MAP2K3: variants seen among roughly 807,000 people sequenced by gnomAD.
The protein encoded by MAP2K3 is mitogen-activated protein kinase kinase 3.
Under a neutral mutation model 46.4 loss-of-function variants are expected in MAP2K3, and 30 were observed. That is an observed-to-expected ratio of 0.65 (90% CI 0.48 to 0.88). The LOEUF (loss-of-function observed/expected upper bound fraction) is 0.88, where lower values mean the gene tolerates loss of function less well. Ranked by LOEUF, MAP2K3 falls within the 40% of genes least tolerant of loss-of-function variation. The pLI is 0.00. For synonymous variants in MAP2K3, 189 were observed against 176.3 expected (o/e 1.07, Z -0.57); for missense variants, 380 against 464.5 (o/e 0.82, Z 1.67).
At chr17:21,289,291 G>A (rs560079097) in intron 1 of MAP2K3, among the ~76,000 whole-genome samples, 2 of 152,314 alleles carry the variant, frequency 1.3e-5, no homozygotes, top group South Asian at 4.1e-4. Context: ...GGCCTGCCCT[G>A]CCCCTGGCTT....
rs1977321374 is a variant in MAP2K3, at chr17:21,314,586, G to A, written c.*356G>A. Reference sequence around the variant, plus strand: ...GCCTGGGTGGATGGGCCACCGCCTTGCCCAGCCTGGATGCCATCCAAGTTG... The same window carrying A: ...GCCTGGGTGGATGGGCCACCGCCTTACCCAGCCTGGATGCCATCCAAGTTG... On this transcript the variant is annotated 3_prime_UTR_variant, in exon 12 of 12. Coordinates refer to ENST00000342679, the MANE Select transcript of MAP2K3 (RefSeq NM_145109.3). 3 of 282,104 alleles carry A rather than the reference G, an allele frequency of 1.1e-5. No homozygotes were observed. Among genetic ancestry groups the A allele is most frequent in the Non-Finnish European group, 1.4e-5 (2 of 147,056 alleles). The allele number at this position is 282,104 out of a possible 1,614,324, so 17.5% of individuals were successfully genotyped here. A position where few individuals can be genotyped will look rare whatever the true frequency, so the allele number is the denominator to read the frequency against.
intron 2 of MAP2K3, among the ~76,000 whole-genome samples, 181 bp downstream of exon 2, chr17:21,298,660 G>T (rs941956091): frequency 1.3e-5 from 2 of 152,308 alleles, no homozygotes; most frequent in Admixed American, 6.5e-5. Context: ...CATTTGCTCT[G>T]CTCTGCTCAC....
Position 21,300,843 on chromosome 17 carries a change from G to A in MAP2K3, c.280-31G>A, listed in dbSNP as rs538738282. 21 of 1,613,748 alleles carry A rather than the reference G, an allele frequency of 1.3e-5. No homozygotes were observed. In the African/African-American group the frequency reaches 2.7e-4, roughly 20 times the overall value. ...AGTGTGGGTGTTGGCCTCTGCCACG[G>A]CAACCTCTGAATGGCAGTCCTTCCC... On this transcript the variant is annotated intron_variant, in intron 4 of 11. Coordinates refer to ENST00000342679, the MANE Select transcript of MAP2K3 (RefSeq NM_145109.3).
intron 5 of MAP2K3, 119 bp from the exon 6 acceptor site, chr17:21,302,024 G>C (rs1428822134): frequency 1.0e-6 from 1 of 979,186 alleles, no homozygotes; most frequent in East Asian, 2.4e-5. Flanking sequence ...CTGTGGCTGA[G>C]TGGGTGGGCA....
At chr17:21,304,155 A>C (rs1976758818) in intron 7 of MAP2K3, among the ~76,000 whole-genome samples, 1 of 152,306 alleles carries the variant, frequency 6.6e-6, no homozygotes, top group African/African-American at 2.4e-5. Context: ...AAGCACCTGG[A>C]GTCCTGCCTT....
intron 1 of MAP2K3, among the ~76,000 whole-genome samples, chr17:21,294,569 C>T (rs1419882795): frequency 6.6e-6 from 1 of 152,310 alleles, no homozygotes; most frequent in Admixed American, 6.5e-5. Flanking sequence ...ACAGACCTGC[C>T]TTTATGGCCA....
intron 1 of MAP2K3, among the ~76,000 whole-genome samples, chr17:21,297,172 G>C (rs1252502043): frequency 6.6e-6 from 1 of 152,312 alleles, no homozygotes; most frequent in Admixed American, 6.5e-5. Flanking sequence ...TTGGCTGCTG[G>C]GCCCCGGTGC....
chr17:21,312,298 G>A lies in MAP2K3; in HGVS notation c.914+17G>A. ...TGCTCAGTGGTGAGTCTTGGGTGCT[G>A]CTGAGCGCCTGCCACTGCCCCTCCC... On this transcript the variant is annotated intron_variant, in intron 10 of 11. Coordinates refer to ENST00000342679, the MANE Select transcript of MAP2K3 (RefSeq NM_145109.3). 2 of 1,572,838 alleles carry A rather than the reference G, an allele frequency of 1.3e-6. No homozygotes were observed. Among genetic ancestry groups the A allele is most frequent in the Non-Finnish European group, 1.7e-6 (2 of 1,165,186 alleles).
chr17:21,297,663 G>A (rs558268356), intron 1 of MAP2K3, among the ~76,000 whole-genome samples: 1 of 152,310 alleles, frequency 6.6e-6, no homozygotes, highest in Non-Finnish European at 1.5e-5. Context: ...CCCTCCGTTA[G>A]TACCAGCTGA....
chr17:21,305,340 G>A (rs1317474972), intron 9 of MAP2K3, among the ~76,000 whole-genome samples: 1 of 152,282 alleles, frequency 6.6e-6, no homozygotes, highest in African/African-American at 2.4e-5. Context: ...GAAGTCCTGG[G>A]TGCTTTGTGA....
chr17:21,288,105 C>T, intron 1 of MAP2K3: 1 of 1,288,952 alleles, frequency 7.8e-7, no homozygotes, highest in South Asian at 1.2e-5. Context: ...AGTCAGCGGG[C>T]ACTGGGTGCT....
chr17:21,313,467 C>T (rs1211365823), intron 10 of MAP2K3, 25 bp from the exon 11 acceptor site: 1 of 1,609,692 alleles, frequency 6.2e-7, no homozygotes, highest in Non-Finnish European at 8.5e-7. Context: ...GCCAGCCTGG[C>T]CACAGCTGCA....
At chr17:21,293,099 G>T (rs985501308) in intron 1 of MAP2K3, among the ~76,000 whole-genome samples, 2 of 152,304 alleles carry the variant, frequency 1.3e-5, no homozygotes, top group Admixed American at 6.5e-5. Context: ...ATGTTAGTGG[G>T]TGTTGTAGTG....
At position 21,312,193 on chromosome 17, in the gene MAP2K3, C is replaced by T; in HGVS notation, c.826C>T (p.Gln276Ter). The T allele has an allele frequency of 6.3e-7, 1 of 1,598,554 alleles. No homozygotes were observed. The highest frequency in any genetic ancestry group is 2.3e-5 in the East Asian group (1 of 43,148). Residue 276 changes from glutamine (Q) to a stop codon, truncating the protein, a stop_gained, in exon 10 of 12, where the codon CAG (glutamine) becomes TAG (stop). Coordinates refer to ENST00000342679, the MANE Select transcript of MAP2K3 (RefSeq NM_145109.3). LOFTEE classifies it high-confidence loss of function. ...FPYESWGTPF[Q>*]QLKQVVEEPS... ...TTACGAGTCCTGGGGGACCCCGTTC[C>T]AGCAGCTGAAGCAGGTGGTGGAGGA...
At chr17:21,294,096 G>T (rs1189743476) in intron 1 of MAP2K3, among the ~76,000 whole-genome samples, 6 of 152,304 alleles carry the variant, frequency 3.9e-5, no homozygotes, top group Admixed American at 3.9e-4. Context: ...GCAAAAGCCT[G>T]TGCCCACTTC....
chr17:21,286,689 GC>G (rs1380338527), intron 1 of MAP2K3, among the ~76,000 whole-genome samples: 1 of 152,226 alleles, frequency 6.6e-6, no homozygotes, highest in Non-Finnish European at 1.5e-5. Flanking sequence ...AGCTCTCCAG[GC>G]AGAGAATGCC....
At chr17:21,291,685 GA>G in intron 1 of MAP2K3, 1 of 426,718 alleles carries the variant, frequency 2.3e-6, no homozygotes, top group Non-Finnish European at 4.7e-6. Flanking sequence ...CCACCGATCT[GA>G]CCCCTTTTGT....
chr17:21,293,746 C>G (rs72840064), intron 1 of MAP2K3, among the ~76,000 whole-genome samples: 3 of 135,376 alleles, frequency 2.2e-5, no homozygotes, highest in African/African-American at 7.9e-5. Flanking sequence ...GCCTGCTGCA[C>G]ACCTACAAGG....
chr17:21,298,340 G>C (rs759351498), intron 1 of MAP2K3, 73 bp from the exon 2 acceptor site: 118 of 1,601,960 alleles, frequency 7.4e-5, no homozygotes, highest in Non-Finnish European at 9.3e-5. Context: ...GCCAGGGCCT[G>C]ATGGCTCATG....
Sources: allele counts gnomAD v4.1 joint callset (sites outside exome capture counted in the v4.1 genomes callset), GRCh38; gene constraint gnomAD v4.1.1; transcripts MANE v1.5; gene names NCBI Gene and HGNC (gene_info 2026-07-23, HGNC 2026-07-21).